TUSC3: variants seen among roughly 807,000 people sequenced by gnomAD.
The protein encoded by TUSC3 is tumor suppressor candidate 3.
A neutral mutation model predicts 44.8 loss-of-function variants in TUSC3; 45 were observed. The observed-to-expected ratio is 1.00, with a 90% CI of 0.79 to 1.29. The LOEUF (loss-of-function observed/expected upper bound fraction) is 1.29. Ranked by LOEUF, TUSC3 falls within the 50% of genes most tolerant of loss-of-function variation. TUSC3 has a pLI of 0.00. For synonymous variants in TUSC3, 212 were observed against 152.9 expected (o/e 1.39, Z -2.85); for missense variants, 519 against 437.9 (o/e 1.19, Z -1.65).
At chr8:15,643,674 G>A (rs560636356) in intron 2 of TUSC3, among the ~76,000 whole-genome samples, 1 of 152,212 alleles carries the variant, frequency 6.6e-6, no homozygotes, top group East Asian at 1.9e-4. Context: ...ATTACAATAT[G>A]GTAGTGAACT....
At chr8:15,804,462 G>A in the TUSC3 span, among the ~76,000 whole-genome samples, 3 of 152,092 alleles carry the variant, frequency 2.0e-5, no homozygotes, top group Non-Finnish European at 4.4e-5. Context: ...ATAGTTTGAG[G>A]TCTTACATTT....
chr8:15,617,138 A>AT (rs71211064), intron 1 of TUSC3, among the ~76,000 whole-genome samples: 4,926 of 88,828 alleles, frequency 0.055, 220 homozygotes, highest in South Asian at 0.2. Flanking sequence ...GTGTGTATAT[A>AT]TTTTTTTTTT....
At chr8:15,506,982 T>G (rs1305282698) in intron 2 of TUSC3, among the ~76,000 whole-genome samples, 1 of 152,240 alleles carries the variant, frequency 6.6e-6, no homozygotes, top group Non-Finnish European at 1.5e-5. Flanking sequence ...TGGCTGTTTA[T>G]GCTTTGTTTA....
Position 15,448,108 on chromosome 8 carries a change from C to CATATACATATATAT in TUSC3, n.91+30808_91+30809insCATATATATATATA, listed in dbSNP as rs55661131. Reference sequence around the variant, plus strand: ...ATTCAACTGTATGGTAGTGTATATACATATATATATATTTATTTATTTATT... The same window carrying CATATACATATATAT: ...ATTCAACTGTATGGTAGTGTATATACATATACATATATATATATATATATATTTATTTATTTATT... On this transcript the variant is annotated intron_variant and non_coding_transcript_variant, in intron 1 of 5. Coordinates refer to the TUSC3 transcript ENST00000503191. Among the ~76,000 whole-genome samples the CATATACATATATAT allele has an allele frequency of 6.8e-3, 657 of 96,338 alleles. 70 individuals carry two copies. The highest frequency in any genetic ancestry group is 0.03 in the African/African-American group (580 of 19,300). 63.2% of individuals were successfully genotyped at this position (96,338 alleles called of 152,430 possible). A position where few individuals can be genotyped will look rare whatever the true frequency, so the allele number is the denominator to read the frequency against.
chr8:15,821,914 A>G, the TUSC3 span, among the ~76,000 whole-genome samples: 1 of 152,228 alleles, frequency 6.6e-6, no homozygotes, highest in South Asian at 2.1e-4. Context: ...CTCTGTTGAA[A>G]TTAGACTATA....
intron 1 of TUSC3, among the ~76,000 whole-genome samples, chr8:15,480,278 T>C (rs905435141): frequency 3.3e-5 from 5 of 152,212 alleles, no homozygotes; most frequent in African/African-American, 4.8e-5. Flanking sequence ...GTAGATCATA[T>C]GCTATTCCCA....
At chr8:15,458,408 G>T (rs1242210719) in intron 1 of TUSC3, among the ~76,000 whole-genome samples, 1 of 149,920 alleles carries the variant, frequency 6.7e-6, no homozygotes, top group African/African-American at 2.4e-5. Flanking sequence ...TTGGATAATT[G>T]TTGTACTTTT....
At chr8:15,435,020 G>C (rs1246973312) in intron 1 of TUSC3, among the ~76,000 whole-genome samples, 1 of 148,078 alleles carries the variant, frequency 6.8e-6, no homozygotes, top group Admixed American at 6.7e-5. Context: ...CTTTATAGCA[G>C]CATGATTTAT....
At chr8:15,547,666 G>T (rs1173784980) in intron 1 of TUSC3, among the ~76,000 whole-genome samples, 1 of 149,730 alleles carries the variant, frequency 6.7e-6, no homozygotes, top group Non-Finnish European at 1.5e-5. Flanking sequence ...AAAGTATTAG[G>T]AGGTGGGGCC....
intron 1 of TUSC3, among the ~76,000 whole-genome samples, chr8:15,458,014 T>A (rs894728059): frequency 1.3e-5 from 2 of 151,888 alleles, no homozygotes; most frequent in Admixed American, 6.6e-5. Context: ...TTGTATAAAG[T>A]TAAAAAGGCC....
At chr8:15,790,361 T>A in the TUSC3 span, among the ~76,000 whole-genome samples, 1 of 151,920 alleles carries the variant, frequency 6.6e-6, no homozygotes, top group East Asian at 1.9e-4. Flanking sequence ...AATTTTTTAC[T>A]TTTAGTAGAG....
chr8:15,741,111 C>T (rs1415211033), intron 7 of TUSC3, among the ~76,000 whole-genome samples: 2 of 150,642 alleles, frequency 1.3e-5, no homozygotes, highest in Non-Finnish European at 3.0e-5. Context: ...TATACTTTTC[C>T]CTGAGTTCAT....
At chr8:15,798,327 C>T in the TUSC3 span, among the ~76,000 whole-genome samples, 2 of 152,294 alleles carry the variant, frequency 1.3e-5, no homozygotes, top group South Asian at 4.1e-4. Flanking sequence ...TCTGCATAGG[C>T]TAGTTCCCTA....
At chr8:15,715,332 C>T (rs1222241945) in intron 6 of TUSC3, among the ~76,000 whole-genome samples, 2 of 152,026 alleles carry the variant, frequency 1.3e-5, no homozygotes, top group African/African-American at 2.4e-5. Context: ...AATTATGTTA[C>T]GTGGATGTGG....
chr8:15,637,901 A>G (rs2129170482), intron 2 of TUSC3, among the ~76,000 whole-genome samples: 1 of 152,038 alleles, frequency 6.6e-6, no homozygotes, highest in Middle Eastern at 3.4e-3. Context: ...TTATGTTTCC[A>G]CAGGTCCCTT....
the TUSC3 span, among the ~76,000 whole-genome samples, chr8:15,822,807 C>G: frequency 2.6e-5 from 4 of 152,104 alleles, no homozygotes; most frequent in African/African-American, 7.2e-5. Flanking sequence ...AAAATAAGAA[C>G]TGAGAACTGA....
intron 1 of TUSC3, among the ~76,000 whole-genome samples, chr8:15,474,486 G>A (rs996764838): frequency 1.1e-4 from 17 of 152,062 alleles, no homozygotes; most frequent in South Asian, 4.1e-4. Context: ...TGGTCCCTCC[G>A]TTCAGAGTCC....
chr8:15,596,062 G>T (rs1804052542), intron 1 of TUSC3, among the ~76,000 whole-genome samples: 1 of 152,170 alleles, frequency 6.6e-6, no homozygotes, highest in South Asian at 2.1e-4. Context: ...AAGTTTTCTA[G>T]TCTCTCATCT....
chr8:15,601,326 C>G (rs1209791342), intron 1 of TUSC3, among the ~76,000 whole-genome samples: 1 of 151,626 alleles, frequency 6.6e-6, no homozygotes, highest in Non-Finnish European at 1.5e-5. Context: ...TGTTCTGTGA[C>G]CAGTATGCAC....
Sources: gnomAD v4.1 joint callset for allele counts (sites outside exome capture counted in the v4.1 genomes callset) on GRCh38, gnomAD v4.1.1 for gene constraint, MANE v1.5 for transcripts, NCBI Gene and HGNC (gene_info 2026-07-23, HGNC 2026-07-21) for gene names.